Variants in KLF8 observed in about 807,000 individuals in gnomAD.
KLF8 encodes the protein KLF transcription factor 8, also known as Krueppel-like factor 8.
In KLF8, 10 loss-of-function variants were observed where a neutral mutation model predicts 18.2. The ratio of observed to expected loss-of-function variants is 0.55; its 90% CI spans 0.34 to 0.93. The LOEUF is 0.93. Among genes scored for constraint, KLF8 ranks in the 40% least tolerant of loss-of-function variants. The probability of loss-of-function intolerance (pLI) is 0.02; values close to 1 mark genes in which losing one functional copy is unlikely to be tolerated. For missense variants in KLF8, 264 were observed against 277.9 expected, an observed-to-expected ratio of 0.95 and a Z score of 0.36; for synonymous variants, 109 against 97.3, an observed-to-expected ratio of 1.12 and a Z score of -0.71.
chrX:55,968,141 A>G, the KLF8 span, among the ~76,000 whole-genome samples: 3 of 111,331 alleles, frequency 2.7e-5, no homozygotes, highest in Admixed American at 2.9e-4. Flanking sequence ...GATATTTACA[A>G]GAGAATCACT....
the KLF8 span, among the ~76,000 whole-genome samples, chrX:55,987,902 G>A: frequency 8.9e-6 from 1 of 111,997 alleles, no homozygotes; most frequent in Non-Finnish European, 1.9e-5. Context: ...TCTAACTGGT[G>A]TGAGATGGTA....
the KLF8 span, among the ~76,000 whole-genome samples, chrX:56,102,740 T>C: frequency 9.0e-6 from 1 of 111,639 alleles, no homozygotes; most frequent in African/African-American, 3.2e-5. Flanking sequence ...TTGTATTCTT[T>C]TTTATTTCTT....
the KLF8 span, among the ~76,000 whole-genome samples, chrX:55,975,387 T>C: frequency 9.0e-6 from 1 of 110,969 alleles, no homozygotes; most frequent in Admixed American, 9.6e-5. Context: ...AAATAAGGAA[T>C]GTATAATAAA....
At chrX:56,199,214 G>T in the KLF8 span, among the ~76,000 whole-genome samples, 71 of 111,850 alleles carry the variant, frequency 6.3e-4, no homozygotes, top group Non-Finnish European at 1.1e-3. Context: ...AAAAGAAATG[G>T]CAACAAAATC....
At chrX:56,201,276 C>A in the KLF8 span, among the ~76,000 whole-genome samples, 1 of 111,355 alleles carries the variant, frequency 9.0e-6, no homozygotes, top group Non-Finnish European at 1.9e-5. Context: ...TATTATTCAC[C>A]CTTTAAAAAG....
the KLF8 span, among the ~76,000 whole-genome samples, chrX:56,087,632 A>G: frequency 9.0e-6 from 1 of 111,393 alleles, no homozygotes; most frequent in African/African-American, 3.3e-5. Flanking sequence ...TTTTATAGCA[A>G]TGAGAGAACA....
the KLF8 span, among the ~76,000 whole-genome samples, chrX:56,010,155 A>G: frequency 1.1e-4 from 12 of 111,368 alleles, no homozygotes; most frequent in South Asian, 4.6e-3. Context: ...AAGACACATA[A>G]TCATCAGATT....
chrX:55,974,188 G>C, the KLF8 span, among the ~76,000 whole-genome samples: 18 of 111,392 alleles, frequency 1.6e-4, no homozygotes, highest in African/African-American at 5.2e-4. Flanking sequence ...CTACTTGAGA[G>C]AGAGGGTGGG....
the KLF8 span, among the ~76,000 whole-genome samples, chrX:55,970,218 T>A: frequency 0.53 from 57,820 of 109,803 alleles, 13,667 homozygotes; most frequent in East Asian, 0.76. Flanking sequence ...GTTAAAAAGA[T>A]CATTCATCAT....
intron 5 of KLF8, among the ~76,000 whole-genome samples, chrX:56,273,242 G>T (rs1399635765): frequency 3.6e-5 from 4 of 111,450 alleles, no homozygotes; most frequent in Non-Finnish European, 5.7e-5. Context: ...TTTGATACAG[G>T]AATGCAATGT....
chrX:55,970,164 A>C, the KLF8 span, among the ~76,000 whole-genome samples: 1 of 111,554 alleles, frequency 9.0e-6, no homozygotes, highest in Non-Finnish European at 1.9e-5. Flanking sequence ...CATTGAATTG[A>C]AAATCCTCAA....
At chrX:56,037,487 A>C in the KLF8 span, among the ~76,000 whole-genome samples, 1 of 111,425 alleles carries the variant, frequency 9.0e-6, no homozygotes. Flanking sequence ...AGAATAATTG[A>C]TATTAATTTT....
At chrX:55,996,296 A>C in the KLF8 span, among the ~76,000 whole-genome samples, 3 of 111,610 alleles carry the variant, frequency 2.7e-5, no homozygotes, top group East Asian at 8.4e-4. Context: ...TTTTGGATTC[A>C]ATTTTAACTT....
At chrX:55,927,809 T>C in the KLF8 span, among the ~76,000 whole-genome samples, 9 of 111,607 alleles carry the variant, frequency 8.1e-5, no homozygotes, top group Non-Finnish European at 1.7e-4. Flanking sequence ...TATTTGTTGA[T>C]TATGTGTGTT....
At chrX:56,166,114 C>T in the KLF8 span, among the ~76,000 whole-genome samples, 1 of 98,235 alleles carries the variant, frequency 1.0e-5, no homozygotes, top group Non-Finnish European at 2.0e-5. Flanking sequence ...ACCTATACCC[C>T]AAACAATCAT....
the KLF8 span, among the ~76,000 whole-genome samples, chrX:56,066,067 G>T: frequency 6.3e-5 from 7 of 111,691 alleles, no homozygotes; most frequent in African/African-American, 9.8e-5. Flanking sequence ...AGTCTTTGGG[G>T]CCTTGGGTAA....
the KLF8 span, among the ~76,000 whole-genome samples, chrX:56,109,359 C>T: frequency 9.6e-6 from 1 of 104,456 alleles, no homozygotes; most frequent in Non-Finnish European, 1.9e-5. Flanking sequence ...CATGCCACTG[C>T]ACTCTAGTCT....
the KLF8 span, among the ~76,000 whole-genome samples, chrX:56,111,746 C>T: frequency 1.1e-4 from 12 of 112,168 alleles, 1 homozygote; most frequent in East Asian, 2.8e-3. Context: ...CATCATCACT[C>T]GCCATTAGAG....
chrX:56,084,216 A>T, the KLF8 span, among the ~76,000 whole-genome samples: 1 of 110,815 alleles, frequency 9.0e-6, no homozygotes, highest in South Asian at 3.9e-4. Context: ...TTGTCCCCAC[A>T]TAAAATTTTT....
Sources: gnomAD v4.1 joint callset for allele counts (sites outside exome capture counted in the v4.1 genomes callset) on GRCh38, gnomAD v4.1.1 for gene constraint, MANE v1.5 for transcripts, NCBI Gene and HGNC (gene_info 2026-07-23, HGNC 2026-07-21) for gene names.